Variants in CCDC192 observed in about 807,000 individuals in gnomAD.
The protein encoded by CCDC192 is coiled-coil domain-containing protein 192.
At chr5:127,934,721 G>A (rs966259123) in intron 6 of CCDC192, among the ~76,000 whole-genome samples, 1 of 152,170 alleles carries the variant, frequency 6.6e-6, no homozygotes, top group Non-Finnish European at 1.5e-5. Flanking sequence ...TAAAAATCTA[G>A]AGGATAGAAA....
intron 6 of CCDC192, among the ~76,000 whole-genome samples, chr5:127,919,647 C>G (rs1246760433): frequency 6.6e-6 from 1 of 152,222 alleles, no homozygotes; most frequent in Non-Finnish European, 1.5e-5. Context: ...CACAGAGCTT[C>G]TACAGCAAAC....
At chr5:127,775,947 G>A (rs1230552133) in intron 3 of CCDC192, among the ~76,000 whole-genome samples, 12 of 152,180 alleles carry the variant, frequency 7.9e-5, no homozygotes, top group Non-Finnish European at 1.3e-4. Flanking sequence ...GTGGAATTGT[G>A]AGTCCATGAA....
chr5:127,906,888 GT>G (rs1753212130), intron 6 of CCDC192, among the ~76,000 whole-genome samples: 1 of 152,172 alleles, frequency 6.6e-6, no homozygotes, highest in African/African-American at 2.4e-5. Flanking sequence ...TGGTTGTTCT[GT>G]TTAATTTTTG....
At chr5:127,707,186 A>G (rs1297075320) in intron 1 of CCDC192, among the ~76,000 whole-genome samples, 3 of 152,220 alleles carry the variant, frequency 2.0e-5, no homozygotes, top group Admixed American at 6.5e-5. Context: ...CAGTGAGAAT[A>G]TCGTTTTGCT....
chr5:127,860,869 T>C (rs893546666), intron 5 of CCDC192, among the ~76,000 whole-genome samples: 1 of 152,298 alleles, frequency 6.6e-6, no homozygotes, highest in African/African-American at 2.4e-5. Context: ...AAAAATTAGG[T>C]TAGCCAGCCA....
At chr5:127,766,608 TAAAAAAAAA>T (rs548715145) in intron 3 of CCDC192, among the ~76,000 whole-genome samples, 2 of 98,974 alleles carry the variant, frequency 2.0e-5, no homozygotes, top group African/African-American at 3.9e-5. Context: ...ACGTCCTGTG[TAAAAAAAAA>T]AAAAAAAAAA....
chr5:127,792,362 A>G (rs1756912801), intron 3 of CCDC192, among the ~76,000 whole-genome samples: 2 of 152,060 alleles, frequency 1.3e-5, no homozygotes, highest in South Asian at 4.1e-4. Context: ...AAACCATCAG[A>G]TCTTGTGAGA....
intron 3 of CCDC192, chr5:127,786,571 T>G (rs1362840896): frequency 1.7e-5 from 12 of 700,456 alleles, no homozygotes; most frequent in Non-Finnish European, 2.7e-5. Context: ...TGCAAGGGAA[T>G]AGATTTCACA....
intron 2 of CCDC192, among the ~76,000 whole-genome samples, chr5:127,752,244 T>A (rs1754229980): frequency 6.6e-6 from 1 of 152,232 alleles, no homozygotes; most frequent in African/African-American, 2.4e-5. Context: ...CTTTGTGGTT[T>A]TATCTACTTT....
At chr5:127,760,981 T>A (rs1350426040) in intron 3 of CCDC192, among the ~76,000 whole-genome samples, 2 of 152,026 alleles carry the variant, frequency 1.3e-5, no homozygotes, top group African/African-American at 4.8e-5. Context: ...ACAAGAAAGT[T>A]AAAGGAAATT....
intron 5 of CCDC192, among the ~76,000 whole-genome samples, chr5:127,823,274 C>A (rs1217125589): frequency 6.6e-6 from 1 of 152,140 alleles, no homozygotes; most frequent in Non-Finnish European, 1.5e-5. Flanking sequence ...GTTGACAGAG[C>A]CTGGAGCTGT....
At chr5:127,787,422 T>C (rs1315937311) in intron 3 of CCDC192, among the ~76,000 whole-genome samples, 3 of 152,238 alleles carry the variant, frequency 2.0e-5, no homozygotes, top group African/African-American at 7.2e-5. Flanking sequence ...AGTTTTTGTA[T>C]GCTATGTTTT....
chr5:127,750,306 A>G (rs139351438), intron 2 of CCDC192, among the ~76,000 whole-genome samples: 2,460 of 152,282 alleles, frequency 0.016, 32 homozygotes, highest in East Asian at 0.027. Context: ...AGATTCTGGT[A>G]TGTTGTGTCT....
chr5:127,719,476 C>T (rs35237315), intron 2 of CCDC192, among the ~76,000 whole-genome samples: 6 of 127,698 alleles, frequency 4.7e-5, no homozygotes, highest in South Asian at 2.4e-4. Context: ...CAGACACATA[C>T]ATATATATAT....
At chr5:127,758,991 C>A (rs1409064158) in intron 3 of CCDC192, among the ~76,000 whole-genome samples, 1 of 152,200 alleles carries the variant, frequency 6.6e-6, no homozygotes, top group African/African-American at 2.4e-5. Flanking sequence ...AGGTAACATT[C>A]CTTTTGGCAG....
chr5:127,777,612 G>C (rs889197361), intron 3 of CCDC192, among the ~76,000 whole-genome samples: 1 of 152,142 alleles, frequency 6.6e-6, no homozygotes, highest in Non-Finnish European at 1.5e-5. Context: ...TGGTTTGACT[G>C]TGTCCCCACC....
chr5:127,817,015 A>C (rs1749055652), intron 5 of CCDC192, among the ~76,000 whole-genome samples: 1 of 152,226 alleles, frequency 6.6e-6, no homozygotes, highest in African/African-American at 2.4e-5. Flanking sequence ...TTGTCAAACA[A>C]AGGTGATAAT....
intron 6 of CCDC192, among the ~76,000 whole-genome samples, chr5:127,924,272 C>T (rs1224838013): frequency 6.6e-6 from 1 of 152,170 alleles, no homozygotes; most frequent in African/African-American, 2.4e-5. Flanking sequence ...TAAATAATTT[C>T]TATATCTTAA....
At chr5:127,809,275 A>C (rs1017296397) in intron 5 of CCDC192, among the ~76,000 whole-genome samples, 2 of 152,102 alleles carry the variant, frequency 1.3e-5, no homozygotes, top group African/African-American at 4.8e-5. Flanking sequence ...GCCATAATTG[A>C]GAATATATAT....
Sources: gnomAD v4.1 joint callset for allele counts (sites outside exome capture counted in the v4.1 genomes callset) on GRCh38, gnomAD v4.1.1 for gene constraint, MANE v1.5 for transcripts, NCBI Gene and HGNC (gene_info 2026-07-23, HGNC 2026-07-21) for gene names.